Variants in LRP1B observed in about 807,000 individuals in gnomAD.
The protein encoded by LRP1B is low-density lipoprotein receptor-related protein 1B.
A neutral mutation model predicts 556.6 loss-of-function variants in LRP1B; 217 were observed. The observed-to-expected ratio is 0.39, with a 90% CI of 0.35 to 0.44. The LOEUF (loss-of-function observed/expected upper bound fraction) is 0.44. Ranked by LOEUF, LRP1B falls within the 20% of genes least tolerant of loss-of-function variation. LRP1B has a pLI of 1.00. For missense variants in LRP1B, 5,053 were observed against 5,620.8 expected, an observed-to-expected ratio of 0.90 and a Z score of 3.23; for synonymous variants, 2,047 against 1,865.8, an observed-to-expected ratio of 1.10 and a Z score of -2.50.
intron 3 of LRP1B, among the ~76,000 whole-genome samples, chr2:141,432,191 T>C (rs1680585536): frequency 1.3e-5 from 2 of 152,106 alleles, no homozygotes; most frequent in Admixed American, 6.6e-5. Flanking sequence ...TTTCAAATGC[T>C]TTTTCTGTAT....
intron 2 of LRP1B, among the ~76,000 whole-genome samples, chr2:141,606,474 AT>A (rs1156802792): frequency 6.6e-6 from 1 of 152,182 alleles, no homozygotes; most frequent in African/African-American, 2.4e-5. Context: ...AATATTATGG[AT>A]TTAATTGTAT....
rs182625134 is a variant in LRP1B at position 140,653,551 on chromosome 2, T to C, written c.6799+46699A>G. ...GACTATGGAATTAAATATGGTGATA[T>C]GGTAGAAAATAGGTATTGGGCTGTA... On this transcript the variant is annotated intron_variant, in intron 41 of 90. Transcript: ENST00000389484. Among the ~76,000 whole-genome samples, 742 of 152,138 alleles carry C rather than the reference T, an allele frequency of 4.9e-3. 6 individuals are homozygous for C. Among genetic ancestry groups the C allele is most frequent in the African/African-American group, 0.017 (697 of 41,516 alleles).
At chr2:140,789,149 T>C (rs1471926020) in intron 32 of LRP1B, among the ~76,000 whole-genome samples, 1 of 152,150 alleles carries the variant, frequency 6.6e-6, no homozygotes, top group Non-Finnish European at 1.5e-5. Flanking sequence ...TAAAGTACTG[T>C]AGAAAATATT....
chr2:140,976,496 T>G (rs1227198380), intron 18 of LRP1B, among the ~76,000 whole-genome samples: 11 of 148,522 alleles, frequency 7.4e-5, no homozygotes, highest in African/African-American at 2.3e-4. Context: ...CTATCTTTTT[T>G]TTTTTCCTTT....
At chr2:140,558,999 A>T (rs1191232904) in intron 43 of LRP1B, among the ~76,000 whole-genome samples, 2 of 152,068 alleles carry the variant, frequency 1.3e-5, no homozygotes, top group East Asian at 3.9e-4. Flanking sequence ...AAGTAAGGAA[A>T]TATAAGTATA....
intron 26 of LRP1B, 84 bp from the exon 27 acceptor site, chr2:140,867,918 CA>C (rs1559165144): frequency 1.4e-6 from 2 of 1,381,736 alleles, no homozygotes; most frequent in Non-Finnish European, 1.9e-6. Context: ...AGCTAAATGA[CA>C]AAAAAGGTAT....
intron 20 of LRP1B, among the ~76,000 whole-genome samples, chr2:140,927,034 A>T (rs191663689): frequency 6.6e-6 from 1 of 152,330 alleles, no homozygotes; most frequent in Non-Finnish European, 1.5e-5. Flanking sequence ...GGTCAGGCGC[A>T]GTGGCTCACA....
chr2:141,456,551 G>A (rs1042949148), intron 3 of LRP1B, among the ~76,000 whole-genome samples: 1 of 152,024 alleles, frequency 6.6e-6, no homozygotes, highest in African/African-American at 2.4e-5. Flanking sequence ...TATTACATGG[G>A]CAAATACATT....
intron 2 of LRP1B, among the ~76,000 whole-genome samples, chr2:141,809,742 ATCTATCTT>A (rs1482026223): frequency 2.1e-5 from 1 of 48,238 alleles, no homozygotes; most frequent in Non-Finnish European, 3.8e-5. Flanking sequence ...TAAAGTTTCT[ATCTATCTT>A]TCAGTCTCAA....
intron 1 of LRP1B, among the ~76,000 whole-genome samples, chr2:142,078,976 CA>C (rs1705613466): frequency 6.6e-6 from 1 of 152,002 alleles, no homozygotes; most frequent in Admixed American, 6.6e-5. Context: ...TAATGTTTTT[CA>C]AAAATACCTT....
At chr2:141,669,527 CT>C (rs1306400698) in intron 2 of LRP1B, among the ~76,000 whole-genome samples, 1 of 152,114 alleles carries the variant, frequency 6.6e-6, no homozygotes, top group East Asian at 1.9e-4. Context: ...GTTCTACTGT[CT>C]TTTGGTCTTC....
At chr2:141,111,716 A>ACAG (rs1700755375) in intron 7 of LRP1B, among the ~76,000 whole-genome samples, 1 of 152,142 alleles carries the variant, frequency 6.6e-6, no homozygotes, top group South Asian at 2.1e-4. Context: ...CCTGCTCTCA[A>ACAG]GACCCCTCTC....
intron 60 of LRP1B, among the ~76,000 whole-genome samples, chr2:140,472,820 CTGT>C (rs1357103788): frequency 6.6e-6 from 1 of 151,982 alleles, no homozygotes; most frequent in Non-Finnish European, 1.5e-5. Flanking sequence ...TGAGAAAGGG[CTGT>C]TGTTCTGAAA....
At chr2:140,442,415 A>G in intron 66 of LRP1B, 89 bp downstream of exon 66, 2 of 1,495,914 alleles carry the variant, frequency 1.3e-6, no homozygotes, top group Non-Finnish European at 1.8e-6. Flanking sequence ...TTAGCTTCAA[A>G]AGAATTGTGT....
chr2:141,440,364 C>A (rs1365229487), intron 3 of LRP1B, among the ~76,000 whole-genome samples: 1 of 152,254 alleles, frequency 6.6e-6, no homozygotes, highest in Non-Finnish European at 1.5e-5. Context: ...TGGACTTCCT[C>A]CACACTGAAC....
chr2:141,753,809 T>C (rs558996581), intron 2 of LRP1B, among the ~76,000 whole-genome samples: 6 of 152,288 alleles, frequency 3.9e-5, no homozygotes, highest in African/African-American at 1.2e-4. Context: ...ATTTTCTTCA[T>C]AGTACTTTTC....
intron 37 of LRP1B, among the ~76,000 whole-genome samples, chr2:140,708,057 A>G (rs1282415770): frequency 1.3e-5 from 2 of 152,078 alleles, no homozygotes; most frequent in African/African-American, 4.8e-5. Context: ...TACAAAATAA[A>G]TCGGATTTAG....
chr2:140,810,481 T>A (rs889713678), intron 32 of LRP1B, among the ~76,000 whole-genome samples: 4 of 149,106 alleles, frequency 2.7e-5, no homozygotes, highest in African/African-American at 4.9e-5. Context: ...TGTTTTTTTT[T>A]ATATGACTAT....
chr2:140,322,520 C>T (rs1291642877), intron 81 of LRP1B, among the ~76,000 whole-genome samples: 1 of 146,064 alleles, frequency 6.8e-6, no homozygotes, highest in Non-Finnish European at 1.5e-5. Context: ...AACAATCCCC[C>T]CGCCTTGTAT....
Sources: gnomAD v4.1 joint callset for allele counts (sites outside exome capture counted in the v4.1 genomes callset) on GRCh38, gnomAD v4.1.1 for gene constraint, MANE v1.5 for transcripts, NCBI Gene and HGNC (gene_info 2026-07-23, HGNC 2026-07-21) for gene names.